AAMDC: variants seen among roughly 807,000 people sequenced by gnomAD.
AAMDC encodes the protein adipogenesis associated Mth938 domain containing.
A neutral mutation model predicts 15.5 loss-of-function variants in AAMDC; 16 were observed. The observed-to-expected ratio is 1.03, with a 90% CI of 0.70 to 1.57. The LOEUF is 1.57. Among genes scored for constraint, AAMDC ranks in the 40% most tolerant of loss-of-function variants. The probability of loss-of-function intolerance (pLI) is 0.00; values close to 1 mark genes in which losing one functional copy is unlikely to be tolerated. For missense variants in AAMDC, 141 were observed against 144.9 expected (o/e 0.97, Z 0.14); for synonymous variants, 51 against 51.6 (o/e 0.99, Z 0.05).
downstream of AAMDC, chr11:77,877,084 A>G (rs1183449477): frequency 1.4e-6 from 1 of 701,678 alleles, no homozygotes; most frequent in East Asian, 2.7e-5. Flanking sequence ...CCCTGGAGTT[A>G]ATCATTCTTC....
At chr11:77,838,742 G>C (rs766768558) in intron 1 of AAMDC, among the ~76,000 whole-genome samples, 7 of 150,764 alleles carry the variant, frequency 4.6e-5, no homozygotes, top group Admixed American at 3.3e-4. Flanking sequence ...TCAGCCTCTC[G>C]AGTAGCTGAG....
chr11:77,846,536 G>A (rs527775868), intron 2 of AAMDC, among the ~76,000 whole-genome samples: 8 of 152,182 alleles, frequency 5.3e-5, no homozygotes, highest in African/African-American at 1.4e-4. Flanking sequence ...GAGAAACCCC[G>A]TCTCTACTAA....
At chr11:77,869,152 G>A in intron 2 of AAMDC, 1 of 246,264 alleles carries the variant, frequency 4.1e-6, no homozygotes, top group South Asian at 6.8e-5. Flanking sequence ...AGGCCTAGAG[G>A]ACATATATTG....
intron 5 of AAMDC, among the ~76,000 whole-genome samples, chr11:77,897,848 G>T (rs1952599571): frequency 1.3e-5 from 2 of 151,790 alleles, no homozygotes; most frequent in African/African-American, 4.8e-5. Context: ...TTGTTCTGTT[G>T]CCCAAGTTGG....
At chr11:77,855,549 G>A (rs939217230) in intron 2 of AAMDC, 3 of 155,036 alleles carry the variant, frequency 1.9e-5, no homozygotes, top group South Asian at 1.8e-4. Context: ...CAGGATGGTC[G>A]CGATCTCCTA....
intron 2 of AAMDC, among the ~76,000 whole-genome samples, chr11:77,864,906 G>A (rs1369056329): frequency 1.3e-5 from 2 of 152,176 alleles, no homozygotes; most frequent in Non-Finnish European, 2.9e-5. Flanking sequence ...GGGCCTGGGA[G>A]ATTGAGGCTG....
intron 5 of AAMDC, among the ~76,000 whole-genome samples, chr11:77,895,527 GAAAAAAAAAAAAAAA>G (rs71046921): frequency 3.1e-3 from 122 of 39,266 alleles, no homozygotes; most frequent in African/African-American, 0.01. Flanking sequence ...TTCTTTTCCT[GAAAAAAAAAAAAAAA>G]AAAAAAAAAA....
downstream of AAMDC, among the ~76,000 whole-genome samples, chr11:77,902,993 C>T (rs573621431): frequency 1.3e-5 from 2 of 152,338 alleles, no homozygotes; most frequent in South Asian, 2.1e-4. Context: ...CGGTCTCAAA[C>T]TCCTAACCTT....
intron 2 of AAMDC, among the ~76,000 whole-genome samples, chr11:77,856,826 C>T (rs887042983): frequency 6.6e-5 from 10 of 152,276 alleles, no homozygotes; most frequent in Admixed American, 1.3e-4. Context: ...GATTACAATT[C>T]GACATGAGAT....
intron 5 of AAMDC, among the ~76,000 whole-genome samples, chr11:77,899,130 T>C (rs1167197747): frequency 6.6e-6 from 1 of 152,104 alleles, no homozygotes; most frequent in Non-Finnish European, 1.5e-5. Flanking sequence ...GTTTAACTTA[T>C]GGGAACAAAC....
chr11:77,899,815 T>A (rs769128717), intron 5 of AAMDC, among the ~76,000 whole-genome samples: 28 of 152,272 alleles, frequency 1.8e-4, no homozygotes, highest in Non-Finnish European at 3.7e-4. Flanking sequence ...AAGTATGGTA[T>A]GATCCCCTTT....
intron 1 of AAMDC, among the ~76,000 whole-genome samples, chr11:77,828,256 C>G (rs1205866968): frequency 6.6e-6 from 1 of 151,330 alleles, no homozygotes; most frequent in Non-Finnish European, 1.5e-5. Flanking sequence ...GCCTGGGTGA[C>G]AGAGCGCAAC....
intron 2 of AAMDC, 35 bp downstream of exon 2, chr11:77,842,663 G>A (rs552186874): frequency 2.6e-5 from 41 of 1,604,144 alleles, no homozygotes; most frequent in Non-Finnish European, 3.4e-5. Flanking sequence ...ACTACATGAG[G>A]CTGACCAAGT....
At chr11:77,864,294 A>G (rs538840892) in intron 2 of AAMDC, among the ~76,000 whole-genome samples, 1 of 152,124 alleles carries the variant, frequency 6.6e-6, no homozygotes, top group South Asian at 2.1e-4. Flanking sequence ...AAATACAAAA[A>G]TTAGCCAGGC....
At chr11:77,885,961 G>C (rs139635463) in intron 5 of AAMDC, among the ~76,000 whole-genome samples, 1 of 152,116 alleles carries the variant, frequency 6.6e-6, no homozygotes, top group African/African-American at 2.4e-5. Context: ...AGCATTTTGC[G>C]GGGCTGAGGC....
chr11:77,826,480 G>A (rs1315246241), intron 1 of AAMDC, among the ~76,000 whole-genome samples: 4 of 152,158 alleles, frequency 2.6e-5, no homozygotes, highest in African/African-American at 7.2e-5. Flanking sequence ...TCGGCAGTTT[G>A]ACATCCTATA....
chr11:77,899,887 C>T (rs146846621), intron 5 of AAMDC, among the ~76,000 whole-genome samples: 1 of 152,010 alleles, frequency 6.6e-6, no homozygotes, highest in African/African-American at 2.4e-5. Flanking sequence ...TGGAAGTATA[C>T]ACATGAAATG....
intron 5 of AAMDC, among the ~76,000 whole-genome samples, chr11:77,885,129 C>A (rs1445256787): frequency 6.6e-6 from 1 of 151,908 alleles, no homozygotes. Context: ...ACAAGCTGAA[C>A]TGCAGTGGCA....
At position 77,831,074 on chromosome 11, in the gene AAMDC, C is replaced by T. The variant is rs566328479; in HGVS notation, c.-19+9833C>T. Among the ~76,000 whole-genome samples the T allele has an allele frequency of 8.6e-5, 13 of 150,870 alleles. No individual in the cohort carries two copies. The East Asian group carries it at 1.4e-3, about 16-fold the overall frequency. On this transcript the variant is annotated intron_variant, in intron 1 of 3. Coordinates refer to ENST00000393427, the MANE Select transcript of AAMDC (RefSeq NM_024684.4). Reference sequence around the variant, plus strand: ...CTTGAGAAGCTGAGATGGGAGAATTCGTCGAGGCTTCAGTGAGCTGTAATC... The same window carrying T: ...CTTGAGAAGCTGAGATGGGAGAATTTGTCGAGGCTTCAGTGAGCTGTAATC...
Sources: allele counts gnomAD v4.1 joint callset (sites outside exome capture counted in the v4.1 genomes callset), GRCh38; gene constraint gnomAD v4.1.1; transcripts MANE v1.5; gene names NCBI Gene and HGNC (gene_info 2026-07-23, HGNC 2026-07-21).